FKBP6: variants seen among roughly 807,000 people sequenced by gnomAD.
The protein encoded by FKBP6 is inactive peptidyl-prolyl cis-trans isomerase FKBP6.
Under a neutral mutation model 41.7 loss-of-function variants are expected in FKBP6, and 29 were observed. That is an observed-to-expected ratio of 0.70 (90% confidence interval 0.52 to 0.95). The LOEUF (loss-of-function observed/expected upper bound fraction) is 0.95, where lower values mean the gene tolerates loss of function less well. Ranked by LOEUF, FKBP6 falls within the 40% of genes least tolerant of loss-of-function variation. The pLI, the probability that FKBP6 is intolerant of heterozygous loss-of-function variation, is 0.00. For missense variants in FKBP6, 338 were observed against 408.7 expected, an observed-to-expected ratio of 0.83 and a Z score of 1.49; for synonymous variants, 130 against 165.1, an observed-to-expected ratio of 0.79 and a Z score of 1.63.
chr7:73,336,864 C>T, intron 5 of FKBP6: 1 of 453,626 alleles, frequency 2.2e-6, no homozygotes, highest in East Asian at 7.0e-5. Context: ...GAAGTACTTC[C>T]ACAAAATGGA....
intron 5 of FKBP6, among the ~76,000 whole-genome samples, chr7:73,333,091 G>A (rs557637704): frequency 3.9e-5 from 6 of 152,248 alleles, no homozygotes; most frequent in African/African-American, 1.4e-4. Context: ...GGGCAACGTG[G>A]CGAAACCCCG....
At chr7:73,343,080 C>T (rs1457220319) in intron 8 of FKBP6, among the ~76,000 whole-genome samples, 181 bp downstream of exon 8, 5 of 152,210 alleles carry the variant, frequency 3.3e-5, no homozygotes, top group African/African-American at 1.2e-4. Flanking sequence ...CTACCTTTCC[C>T]GTGAGAAGAA....
chr7:73,329,010 G>A (rs1804737596), intron 2 of FKBP6, among the ~76,000 whole-genome samples: 1 of 152,034 alleles, frequency 6.6e-6, no homozygotes, highest in Non-Finnish European at 1.5e-5. Context: ...ACTCTATGTT[G>A]CCCAGGCTGG....
chr7:73,347,859 G>A (rs1340642458), intron 8 of FKBP6, among the ~76,000 whole-genome samples: 4 of 152,124 alleles, frequency 2.6e-5, no homozygotes, highest in Non-Finnish European at 5.9e-5. Flanking sequence ...TGCCCAGGCT[G>A]GTCTGGAACT....
At chr7:73,354,405 G>A (rs1358336495) in intron 8 of FKBP6, among the ~76,000 whole-genome samples, 1 of 152,220 alleles carries the variant, frequency 6.6e-6, no homozygotes, top group African/African-American at 2.4e-5. Flanking sequence ...GTTGGGTGGG[G>A]AGAAGCAGGT....
At chr7:73,336,929 G>C (rs1805023224) in intron 5 of FKBP6, 1 of 339,226 alleles carries the variant, frequency 2.9e-6, no homozygotes, top group Non-Finnish European at 6.1e-6. Flanking sequence ...AGAGATCAAG[G>C]AAACAGAAGA....
intron 8 of FKBP6, among the ~76,000 whole-genome samples, chr7:73,355,291 G>T (rs781793038): frequency 6.6e-6 from 1 of 152,228 alleles, no homozygotes; most frequent in Admixed American, 6.5e-5. Context: ...TTCTCCTTGA[G>T]CCACGGATAC....
At chr7:73,332,608 G>T (rs147233965) in intron 5 of FKBP6, among the ~76,000 whole-genome samples, 2 of 152,246 alleles carry the variant, frequency 1.3e-5, no homozygotes, top group Non-Finnish European at 2.9e-5. Flanking sequence ...GAGGACTCAC[G>T]GGATTGGGAG....
chr7:73,335,954 C>T (rs1002382971), intron 5 of FKBP6, among the ~76,000 whole-genome samples: 5 of 152,132 alleles, frequency 3.3e-5, no homozygotes, highest in African/African-American at 7.2e-5. Flanking sequence ...TTTGGAGCAG[C>T]GGACTGACAT....
At chr7:73,357,269 GTTTT>G (rs11430645) in intron 8 of FKBP6, among the ~76,000 whole-genome samples, 1 of 96,816 alleles carries the variant, frequency 1.0e-5, no homozygotes, top group African/African-American at 4.1e-5. Context: ...GTTTGGTTTG[GTTTT>G]TTTTTTTTTT....
Position 73,330,183 on chromosome 7 carries a change from T to G in FKBP6, c.299T>G (p.Leu100Arg). 6.2e-7 allele frequency: 1 copy of G among 1,613,990 alleles called. No homozygotes were observed. Among genetic ancestry groups the G allele is most frequent in the Non-Finnish European group, 8.5e-7 (1 of 1,179,862 alleles). Residue 100 changes from leucine to arginine, a missense_variant, in exon 4 of 9, where the codon CTG (leucine) becomes CGG (arginine). Leu to Arg is a moderately radical substitution (Grantham distance 102, BLOSUM62 -2). This residue lies in a region of FKBP6 where 99 missense variants were observed against 158.6 expected (regional missense o/e 0.62). Coordinates refer to ENST00000252037, the MANE Select transcript of FKBP6 (RefSeq NM_003602.5). Reference protein sequence around the residue: ...ITLWGMELGLLSMRRGELARF... With the variant: ...ITLWGMELGLRSMRRGELARF... ...CTGTGGGGCATGGAGCTGGGCCTTC[T>G]GAGCATGCGGAGAGGAGAGCTGGCC...
intron 8 of FKBP6, among the ~76,000 whole-genome samples, chr7:73,349,331 C>T (rs542722245): frequency 1.2e-3 from 182 of 151,382 alleles, no homozygotes; most frequent in Middle Eastern, 3.4e-3. Context: ...ATCGCTTGAA[C>T]CCAGGAGGTG....
chr7:73,342,221 C>T (rs1483922148), intron 7 of FKBP6, among the ~76,000 whole-genome samples: 4 of 152,152 alleles, frequency 2.6e-5, no homozygotes, highest in Admixed American at 1.3e-4. Context: ...AAAATGTCTA[C>T]CTATAAATAG....
At chr7:73,336,554 A>T (rs983745601) in intron 5 of FKBP6, among the ~76,000 whole-genome samples, 1 of 152,144 alleles carries the variant, frequency 6.6e-6, no homozygotes, top group Admixed American at 6.6e-5. Context: ...TAAAATTTTC[A>T]GGAGTTTTGT....
At chr7:73,352,891 G>A (rs1554551329) in intron 8 of FKBP6, among the ~76,000 whole-genome samples, 1 of 152,086 alleles carries the variant, frequency 6.6e-6, no homozygotes, top group African/African-American at 2.4e-5. Flanking sequence ...CAGGATGTTT[G>A]GCATCCTGAG....
chr7:73,330,271 A>G lies in FKBP6; in HGVS notation c.387A>G (p.Pro129=). 1.2e-6 allele frequency: 2 copies of G among 1,614,158 alleles called. No homozygotes were observed. The highest frequency in any genetic ancestry group is 1.7e-6 in the Non-Finnish European group (2 of 1,180,018). Residue 129 remains proline, a synonymous_variant, in exon 4 of 9, where the codon CCA becomes CCG. Transcript: ENST00000252037. ...TGGGCTGCCCTCCCTTGATCCCCCC[A>G]AACACCACTGTCCTGTTTGAGATTG... The part of the protein sequence containing the change: ...GTLGCPPLIP[P]NTTVLFEIEL...
intron 8 of FKBP6, among the ~76,000 whole-genome samples, chr7:73,348,801 G>A (rs1292349488): frequency 6.6e-6 from 1 of 152,160 alleles, no homozygotes; most frequent in East Asian, 1.9e-4. Context: ...TTATTACAGA[G>A]GTTTTTAAAA....
chr7:73,355,938 C>T (rs944018835), intron 8 of FKBP6, among the ~76,000 whole-genome samples: 2 of 151,542 alleles, frequency 1.3e-5, no homozygotes, highest in African/African-American at 2.4e-5. Context: ...TGGTAGCGGG[C>T]GCCTGTGGTC....
At chr7:73,356,291 TTAGA>T (rs1257238354) in intron 8 of FKBP6, among the ~76,000 whole-genome samples, 2 of 152,052 alleles carry the variant, frequency 1.3e-5, no homozygotes, top group Non-Finnish European at 2.9e-5. Flanking sequence ...TAGGTAGAGA[TTAGA>T]TAGACACACA....
Sources: gnomAD v4.1 joint callset for allele counts (sites outside exome capture counted in the v4.1 genomes callset) on GRCh38, gnomAD v4.1.1 for gene constraint, gnomAD v4.1.1 regional missense constraint, MANE v1.5 for transcripts, NCBI Gene and HGNC (gene_info 2026-07-23, HGNC 2026-07-21) for gene names.